GABRB2: variants seen among roughly 807,000 people sequenced by gnomAD.
GABRB2 encodes the protein gamma-aminobutyric acid receptor subunit beta-2.
In GABRB2, 16 loss-of-function variants were observed where a neutral mutation model predicts 54.7. The ratio of observed to expected loss-of-function variants is 0.29; its 90% CI spans 0.20 to 0.44. GABRB2 has a LOEUF of 0.44. GABRB2 is among the 20% of genes least tolerant of loss of function. The pLI is 1.00. For missense variants in GABRB2, 355 were observed against 644.0 expected (o/e 0.55, Z 4.86); for synonymous variants, 244 against 233.8 (o/e 1.04, Z -0.40).
chr5:161,351,232 A>G (rs753982461), intron 5 of GABRB2, among the ~76,000 whole-genome samples: 27 of 152,258 alleles, frequency 1.8e-4, no homozygotes, highest in Non-Finnish European at 2.8e-4. Context: ...AAGACTTTGA[A>G]TAAGCAAAGC....
At chr5:161,420,509 G>C (rs1332855095) in intron 4 of GABRB2, among the ~76,000 whole-genome samples, 2 of 152,230 alleles carry the variant, frequency 1.3e-5, no homozygotes, top group African/African-American at 4.8e-5. Context: ...CCAATGGGGA[G>C]TAGAGCAGGA....
intron 5 of GABRB2, among the ~76,000 whole-genome samples, chr5:161,368,759 G>C (rs1755045597): frequency 6.6e-6 from 1 of 152,124 alleles, no homozygotes; most frequent in Admixed American, 6.6e-5. Context: ...GTGTTTGTGG[G>C]GTTAGACAAG....
intron 9 of GABRB2, among the ~76,000 whole-genome samples, chr5:161,308,223 A>T (rs1188471510): frequency 6.6e-6 from 1 of 152,062 alleles, no homozygotes; most frequent in Admixed American, 6.5e-5. Flanking sequence ...AATCAATCCC[A>T]TCCATTGTGA....
chr5:161,349,674 T>C (rs1369151517), intron 5 of GABRB2, among the ~76,000 whole-genome samples: 1 of 152,138 alleles, frequency 6.6e-6, no homozygotes, highest in African/African-American at 2.4e-5. Context: ...TGTTGTAAAC[T>C]GCCCCATGGA....
At chr5:161,456,125 AG>A (rs1214641261) in intron 4 of GABRB2, among the ~76,000 whole-genome samples, 1 of 152,186 alleles carries the variant, frequency 6.6e-6, no homozygotes, top group Admixed American at 6.5e-5. Flanking sequence ...TTACAGGCTT[AG>A]TTCTACCCAA....
chr5:161,340,879 AATT>A (rs1408615353), intron 5 of GABRB2, among the ~76,000 whole-genome samples: 1 of 152,062 alleles, frequency 6.6e-6, no homozygotes, highest in Non-Finnish European at 1.5e-5. Context: ...ACGTTCTGGA[AATT>A]GCTAATAAGA....
rs1757303349 is a variant in GABRB2, at chr5:161,293,933, G to T, written c.*148C>A. On this transcript the variant is annotated 3_prime_UTR_variant, in exon 10 of 10. Transcript: ENST00000393959. ...TTACTTAGCAGAAGCAACCCAAATGGTATGAAATGGACCACAGGATAGGCC... is the reference window on the plus strand; with the variant it reads ...TTACTTAGCAGAAGCAACCCAAATGTTATGAAATGGACCACAGGATAGGCC... The T allele has an allele frequency of 1.6e-6, 1 of 644,482 alleles. No homozygotes were observed. The highest frequency in any genetic ancestry group is 1.8e-5 in the African/African-American group (1 of 54,660). 39.9% of individuals were successfully genotyped at this position (644,482 alleles called of 1,614,324 possible). A position where few individuals can be genotyped will look rare whatever the true frequency, so the allele number is the denominator to read the frequency against.
At chr5:161,514,938 G>A (rs1026231626) in intron 3 of GABRB2, among the ~76,000 whole-genome samples, 9 of 152,148 alleles carry the variant, frequency 5.9e-5, no homozygotes, top group African/African-American at 2.2e-4. Context: ...ATGAGAAAAT[G>A]TATGTGAACC....
intron 4 of GABRB2, among the ~76,000 whole-genome samples, chr5:161,437,582 C>T (rs958270194): frequency 6.6e-6 from 1 of 151,748 alleles, no homozygotes; most frequent in Non-Finnish European, 1.5e-5. Context: ...GAGCAGAGCA[C>T]CAAGTGGGCT....
At chr5:161,294,462 A>G in intron 9 of GABRB2, 34 bp from the exon 10 acceptor site, 5 of 1,578,242 alleles carry the variant, frequency 3.2e-6, no homozygotes, top group Non-Finnish European at 4.3e-6. Flanking sequence ...GACAATCAGA[A>G]CAATGAAGCT....
chr5:161,424,599 A>G (rs1336409778), intron 4 of GABRB2, among the ~76,000 whole-genome samples: 1 of 152,116 alleles, frequency 6.6e-6, no homozygotes. Flanking sequence ...TCCTTTCAAA[A>G]TGTTACCCTT....
At chr5:161,329,774 G>C (rs1753776126) in intron 8 of GABRB2, 1 of 152,124 alleles carries the variant, frequency 6.6e-6, no homozygotes, top group Non-Finnish European at 1.5e-5. Context: ...TCCAATATTA[G>C]ACACTACTTC....
chr5:161,428,965 T>C (rs1376259684), intron 4 of GABRB2, among the ~76,000 whole-genome samples: 1 of 152,110 alleles, frequency 6.6e-6, no homozygotes, highest in African/African-American at 2.4e-5. Context: ...ACAAATTTTA[T>C]CTATAAATGT....
chr5:161,511,971 C>A (rs1759784458), intron 3 of GABRB2, among the ~76,000 whole-genome samples: 1 of 151,904 alleles, frequency 6.6e-6, no homozygotes, highest in South Asian at 2.1e-4. Flanking sequence ...TCACACAATT[C>A]AATCCATGGT....
Position 161,294,447 on chromosome 5 carries a change from A to G in GABRB2, c.1192-19T>C. On this transcript the variant is annotated intron_variant, in intron 9 of 9. Coordinates refer to ENST00000393959, the MANE Select transcript of GABRB2 (RefSeq NM_001371727.1). ...GGTCCATCTGCAAGGGAAGAGAATCAAAAAGACAATCAGAACAATGAAGCT... is the reference window on the plus strand; with the variant it reads ...GGTCCATCTGCAAGGGAAGAGAATCGAAAAGACAATCAGAACAATGAAGCT... 1 of 1,599,278 alleles carries G rather than the reference A, an allele frequency of 6.3e-7. No individual in the cohort carries two copies. The highest frequency in any genetic ancestry group is 1.1e-5 in the South Asian group (1 of 90,492).
intron 5 of GABRB2, among the ~76,000 whole-genome samples, chr5:161,363,176 C>T (rs1293431823): frequency 1.3e-5 from 2 of 152,310 alleles, no homozygotes; most frequent in East Asian, 3.9e-4. Flanking sequence ...GGCACATATA[C>T]ACCATGGAAT....
intron 3 of GABRB2, among the ~76,000 whole-genome samples, chr5:161,474,418 C>G (rs1203041193): frequency 6.6e-6 from 1 of 151,862 alleles, no homozygotes; most frequent in South Asian, 2.1e-4. Context: ...CCATACAGTG[C>G]GGGGCCTAAT....
intron 4 of GABRB2, among the ~76,000 whole-genome samples, chr5:161,445,587 T>G (rs534644410): frequency 9.2e-5 from 14 of 152,144 alleles, no homozygotes; most frequent in African/African-American, 2.7e-4. Flanking sequence ...TTAAGTCTGA[T>G]AAGAAACATT....
chr5:161,533,062 G>T (rs1284515970), intron 3 of GABRB2, among the ~76,000 whole-genome samples: 1 of 151,938 alleles, frequency 6.6e-6, no homozygotes, highest in African/African-American at 2.4e-5. Context: ...ATCTTCAATT[G>T]CCCAGACAAT....
Sources: allele counts gnomAD v4.1 joint callset (sites outside exome capture counted in the v4.1 genomes callset), GRCh38; gene constraint gnomAD v4.1.1; transcripts MANE v1.5; gene names NCBI Gene and HGNC (gene_info 2026-07-23, HGNC 2026-07-21).